TUNAR: variants seen among roughly 807,000 people sequenced by gnomAD.
The protein encoded by TUNAR is protein TUNAR.
intron 2 of TUNAR, among the ~76,000 whole-genome samples, chr14:95,897,346 C>A (rs59277341): frequency 0.063 from 9,642 of 152,228 alleles, 527 homozygotes; most frequent in African/African-American, 0.14. Flanking sequence ...AAGTGCTTCT[C>A]TCTGTTACTT....
At chr14:95,903,610 A>C (rs1181999778) in intron 2 of TUNAR, among the ~76,000 whole-genome samples, 3 of 152,254 alleles carry the variant, frequency 2.0e-5, no homozygotes, top group Non-Finnish European at 2.9e-5. Flanking sequence ...ATTGCAAACA[A>C]AAGCCTCTTT....
At chr14:95,904,271 G>A (rs1566789419) in intron 2 of TUNAR, among the ~76,000 whole-genome samples, 1 of 152,190 alleles carries the variant, frequency 6.6e-6, no homozygotes, top group Non-Finnish European at 1.5e-5. Context: ...ACTAGAACCT[G>A]CCTCACTGGG....
In TUNAR at chr14:95,900,400, G is replaced by C. The variant is rs141994440; in HGVS notation, c.13-22381G>C. Among the ~76,000 whole-genome samples the C allele has an allele frequency of 2.3e-3, 345 of 152,326 alleles. 3 individuals carry two copies. Among genetic ancestry groups the C allele is most frequent in the African/African-American group, 7.8e-3 (324 of 41,574 alleles). ...CAGAGACGGCACCAGGGCTGGGCTG[G>C]ACAGGAAGTTGAGTGTTATTAGATG... On this transcript the variant is annotated intron_variant, in intron 2 of 2. Transcript: ENST00000678517.
At chr14:95,915,290 A>G (rs1041207837) in intron 2 of TUNAR, among the ~76,000 whole-genome samples, 1 of 152,212 alleles carries the variant, frequency 6.6e-6, no homozygotes, top group South Asian at 2.1e-4. Flanking sequence ...GGGGTAGTTC[A>G]TGGGATAGAA....
intron 2 of TUNAR, among the ~76,000 whole-genome samples, chr14:95,889,443 A>T (rs1340372881): frequency 7.5e-6 from 1 of 132,606 alleles, no homozygotes; most frequent in Admixed American, 7.6e-5. Context: ...TTCCACCTCC[A>T]CCCCTCACCC....
chr14:95,909,203 C>A (rs555459491), intron 2 of TUNAR, among the ~76,000 whole-genome samples: 1 of 152,054 alleles, frequency 6.6e-6, no homozygotes, highest in South Asian at 2.1e-4. Flanking sequence ...TCTCACTCAA[C>A]ACACAGTAAA....
intron 2 of TUNAR, among the ~76,000 whole-genome samples, chr14:95,908,871 C>T (rs1007786701): frequency 3.3e-5 from 5 of 152,170 alleles, no homozygotes; most frequent in Admixed American, 3.3e-4. Flanking sequence ...TCCCCTACTC[C>T]CTGTTAGTCC....
chr14:95,885,711 A>C (rs2139653532), intron 2 of TUNAR, among the ~76,000 whole-genome samples: 1 of 152,302 alleles, frequency 6.6e-6, no homozygotes, highest in South Asian at 2.1e-4. Context: ...TCCATGTCTT[A>C]CAGGTGACAG....
At chr14:95,906,042 C>G (rs1217855591) in intron 2 of TUNAR, among the ~76,000 whole-genome samples, 1 of 152,184 alleles carries the variant, frequency 6.6e-6, no homozygotes, top group East Asian at 1.9e-4. Flanking sequence ...CCCCTCCACC[C>G]CCACCTGTTT....
intron 2 of TUNAR, among the ~76,000 whole-genome samples, chr14:95,921,846 T>C (rs1889702842): frequency 6.6e-6 from 1 of 152,234 alleles, no homozygotes; most frequent in Non-Finnish European, 1.5e-5. Flanking sequence ...CACAAATTTG[T>C]CTGCCATGTG....
intron 2 of TUNAR, among the ~76,000 whole-genome samples, chr14:95,882,072 A>G (rs1199211826): frequency 2.0e-5 from 3 of 152,200 alleles, no homozygotes; most frequent in Non-Finnish European, 4.4e-5. Flanking sequence ...AGACAGAATG[A>G]GTTAGAAAGC....
chr14:95,881,185 T>TA (rs144793238), intron 2 of TUNAR, among the ~76,000 whole-genome samples: 2,802 of 152,332 alleles, frequency 0.018, 51 homozygotes, highest in East Asian at 0.08. Context: ...TTGCTGTCAA[T>TA]AAACCTCTAA....
At chr14:95,889,152 C>T (rs975828659) in intron 2 of TUNAR, among the ~76,000 whole-genome samples, 1 of 152,178 alleles carries the variant, frequency 6.6e-6, no homozygotes, top group African/African-American at 2.4e-5. Flanking sequence ...CCTCCCCTCC[C>T]CTGCTGTCCC....
chr14:95,911,957 A>T (rs1889521953), intron 2 of TUNAR, among the ~76,000 whole-genome samples: 2 of 152,198 alleles, frequency 1.3e-5, no homozygotes, highest in African/African-American at 2.4e-5. Flanking sequence ...TTTTTCACAT[A>T]CAGCAATGGC....
chr14:95,881,412 G>T (rs911170651), intron 2 of TUNAR, among the ~76,000 whole-genome samples: 1 of 152,228 alleles, frequency 6.6e-6, no homozygotes, highest in African/African-American at 2.4e-5. Flanking sequence ...TGCGACGTCA[G>T]TCTGAGGAGT....
chr14:95,890,332 C>G (rs1487917249), intron 2 of TUNAR, among the ~76,000 whole-genome samples: 1 of 152,206 alleles, frequency 6.6e-6, no homozygotes, highest in African/African-American at 2.4e-5. Flanking sequence ...GGTTTTTCTT[C>G]TCGTCCTCTG....
exon 3 of TUNAR, chr14:95,924,687 T>G (rs1317374893): frequency 6.6e-6 from 1 of 152,174 alleles, no homozygotes; most frequent in African/African-American, 2.4e-5. Flanking sequence ...TCGTGAGACT[T>G]TTTCACTATC....
chr14:95,919,953 A>G (rs1488191994), intron 2 of TUNAR, among the ~76,000 whole-genome samples: 2 of 152,232 alleles, frequency 1.3e-5, no homozygotes, highest in Admixed American at 6.5e-5. Flanking sequence ...CCGAATATAT[A>G]TACAAGAATG....
At chr14:95,902,037 C>A (rs1889362519) in intron 2 of TUNAR, among the ~76,000 whole-genome samples, 1 of 152,070 alleles carries the variant, frequency 6.6e-6, no homozygotes, top group African/African-American at 2.4e-5. Flanking sequence ...TGTTCACATC[C>A]TTTAGTTGTG....
Sources: gnomAD v4.1 joint callset for allele counts (sites outside exome capture counted in the v4.1 genomes callset) on GRCh38, gnomAD v4.1.1 for gene constraint, MANE v1.5 for transcripts, NCBI Gene and HGNC (gene_info 2026-07-23, HGNC 2026-07-21) for gene names.